TRPM3: variants seen among roughly 807,000 people sequenced by gnomAD.
TRPM3 encodes transient receptor potential cation channel subfamily M member 3.
TRPM3 carries 77 observed loss-of-function variants against 181.2 expected under a neutral mutation model. The ratio of observed to expected loss-of-function variants is 0.42; its 90% confidence interval spans 0.35 to 0.51. The LOEUF (loss-of-function observed/expected upper bound fraction) is 0.51. Ranked by LOEUF, TRPM3 falls within the 20% of genes least tolerant of loss-of-function variation. The pLI, the probability that TRPM3 is intolerant of heterozygous loss-of-function variation, is 0.01. For synonymous variants in TRPM3, 745 were observed against 796.4 expected (o/e 0.94, Z 1.09); for missense variants, 1,759 against 2,196.7 (o/e 0.80, Z 3.98).
At chr9:71,318,605 C>T (rs542288934) in intron 1 of TRPM3, among the ~76,000 whole-genome samples, 8 of 152,244 alleles carry the variant, frequency 5.3e-5, no homozygotes, top group Admixed American at 2.6e-4. Context: ...ATAACTATCT[C>T]GCTCTAATGG....
Position 70,561,855 on chromosome 9 carries a change from AG to A in TRPM3, c.3224-8546del, listed in dbSNP as rs148508656. Among the ~76,000 whole-genome samples the A allele has an allele frequency of 3.0e-3, 459 of 152,328 alleles. 2 individuals are homozygous for A. Among genetic ancestry groups the A allele is most frequent in the African/African-American group, 0.01 (432 of 41,566 alleles). On this transcript the variant is annotated intron_variant, in intron 22 of 25. Transcript: ENST00000677713. ...GGCATTAAATGGCACTGAACTAGAT[AG>A]TAAGGGATGACACTGTCAAGCTTCT... is the stretch of plus-strand genomic sequence containing the variant.
chr9:71,031,990 TA>T (rs1266854762), intron 1 of TRPM3, among the ~76,000 whole-genome samples: 1 of 1,546 alleles, frequency 6.5e-4, no homozygotes, highest in African/African-American at 2.0e-3. Context: ...ATATATATTA[TA>T]TATATATAAT....
chr9:70,691,185 G>T (rs886578233), intron 8 of TRPM3, among the ~76,000 whole-genome samples: 1 of 152,072 alleles, frequency 6.6e-6, no homozygotes, highest in Non-Finnish European at 1.5e-5. Flanking sequence ...TTGATTTTTC[G>T]TGTAATATTT....
chr9:71,251,682 C>T (rs1462563674), intron 1 of TRPM3, among the ~76,000 whole-genome samples: 2 of 151,962 alleles, frequency 1.3e-5, no homozygotes, highest in East Asian at 3.9e-4. Flanking sequence ...GTTATTCATC[C>T]CCTCAAGTAT....
chr9:70,954,562 C>G (rs2097045062), intron 1 of TRPM3, among the ~76,000 whole-genome samples: 1 of 151,992 alleles, frequency 6.6e-6, no homozygotes, highest in African/African-American at 2.4e-5. Context: ...TTGAAAAGCT[C>G]TTATCGATAG....
intron 1 of TRPM3, among the ~76,000 whole-genome samples, chr9:71,156,107 A>G (rs1307389282): frequency 2.0e-5 from 3 of 152,138 alleles, no homozygotes; most frequent in Non-Finnish European, 4.4e-5. Context: ...ATAAATTGCC[A>G]TATTCTAGCA....
rs533015217 is a variant in TRPM3, at chr9:70,529,676, C to G, written c.*6277G>C. ...AGAACAAGAGTAACTCTGAATAAGG[C>G]GAGTTTCTTTTCCCCCCTCTCGGTT... On this transcript the variant is annotated 3_prime_UTR_variant, in exon 26 of 26. Coordinates refer to ENST00000677713, the MANE Select transcript of TRPM3 (RefSeq NM_001366145.2). 6.6e-6 allele frequency: 1 copy of G among 152,088 alleles called. No individual in the cohort carries two copies. Among genetic ancestry groups the G allele is most frequent in the South Asian group, 2.1e-4 (1 of 4,818 alleles). 9.4% of individuals were successfully genotyped at this position (152,088 alleles called of 1,614,324 possible).
At chr9:71,382,490 T>C (rs2092824324) in intron 1 of TRPM3, among the ~76,000 whole-genome samples, 1 of 152,128 alleles carries the variant, frequency 6.6e-6, no homozygotes, top group Non-Finnish European at 1.5e-5. Flanking sequence ...ATATTTACAA[T>C]TGAATATAAA....
intron 1 of TRPM3, among the ~76,000 whole-genome samples, chr9:71,326,496 T>G (rs907983113): frequency 2.6e-5 from 4 of 152,210 alleles, no homozygotes; most frequent in Admixed American, 1.3e-4. Context: ...AAGCACCCAA[T>G]AACTTACCTG....
intron 1 of TRPM3, among the ~76,000 whole-genome samples, chr9:71,009,729 A>C (rs1436992377): frequency 6.6e-6 from 1 of 152,142 alleles, no homozygotes; most frequent in East Asian, 1.9e-4. Flanking sequence ...AATAGAAAAA[A>C]AATAAATTCA....
At chr9:70,598,795 T>C in intron 20 of TRPM3, 125 bp from the exon 21 acceptor site, 1 of 1,176,296 alleles carries the variant, frequency 8.5e-7, no homozygotes, top group Non-Finnish European at 1.2e-6. Context: ...TCTACTTAAA[T>C]ACTTGCATGC....
At chr9:71,207,503 A>G (rs1372057462) in intron 1 of TRPM3, among the ~76,000 whole-genome samples, 2 of 152,136 alleles carry the variant, frequency 1.3e-5, no homozygotes, top group African/African-American at 4.8e-5. Flanking sequence ...TGTCCCATCA[A>G]ATTGGTCATT....
intron 1 of TRPM3, among the ~76,000 whole-genome samples, chr9:71,255,611 G>T (rs1437061709): frequency 6.6e-6 from 1 of 152,180 alleles, no homozygotes; most frequent in East Asian, 1.9e-4. Flanking sequence ...GCCTGATGAT[G>T]TTGAAGTCTA....
chr9:70,931,252 T>A (rs958910436), intron 1 of TRPM3, among the ~76,000 whole-genome samples: 3 of 152,156 alleles, frequency 2.0e-5, no homozygotes, highest in African/African-American at 7.2e-5. Context: ...ACTTGGAATG[T>A]ATAATTCGAA....
chr9:70,839,048 A>G (rs4443722), intron 5 of TRPM3, among the ~76,000 whole-genome samples: 1 of 152,038 alleles, frequency 6.6e-6, no homozygotes, highest in South Asian at 2.1e-4. Context: ...GCTATCTAAG[A>G]AAACAGTTTT....
chr9:70,875,683 T>C (rs954291224), intron 1 of TRPM3, among the ~76,000 whole-genome samples: 1 of 151,922 alleles, frequency 6.6e-6, no homozygotes, highest in African/African-American at 2.4e-5. Flanking sequence ...AAATGATAAA[T>C]CAAATCTTGA....
chr9:71,281,831 G>A (rs2084731958), intron 1 of TRPM3, among the ~76,000 whole-genome samples: 1 of 152,146 alleles, frequency 6.6e-6, no homozygotes, highest in African/African-American at 2.4e-5. Flanking sequence ...GGAGGCCAAG[G>A]TGGGCAGATC....
intron 1 of TRPM3, among the ~76,000 whole-genome samples, chr9:70,881,594 A>C (rs2095994003): frequency 6.6e-6 from 1 of 152,232 alleles, no homozygotes; most frequent in African/African-American, 2.4e-5. Context: ...AAGCCTCTTA[A>C]GTTTGGTAAG....
chr9:71,005,261 C>T (rs149282448), intron 1 of TRPM3, among the ~76,000 whole-genome samples: 1 of 152,114 alleles, frequency 6.6e-6, no homozygotes, highest in East Asian at 1.9e-4. Flanking sequence ...ACAAAATTAG[C>T]AGGGCATGGT....
Sources: gnomAD v4.1 joint callset for allele counts (sites outside exome capture counted in the v4.1 genomes callset) on GRCh38, gnomAD v4.1.1 for gene constraint, MANE v1.5 for transcripts, NCBI Gene and HGNC (gene_info 2026-07-23, HGNC 2026-07-21) for gene names.